RMND5B: variants seen among roughly 807,000 people sequenced by gnomAD.
RMND5B encodes required for meiotic nuclear division 5 homolog B, also known as E3 ubiquitin-protein transferase RMND5B.
RMND5B carries 42 observed loss-of-function variants against 50.4 expected under a neutral mutation model. The ratio of observed to expected loss-of-function variants is 0.83; its 90% CI spans 0.65 to 1.08. RMND5B has a LOEUF of 1.08. RMND5B is among the 50% of genes least tolerant of loss of function. RMND5B has a pLI of 0.00. For synonymous variants in RMND5B, 220 were observed against 210.0 expected, an observed-to-expected ratio of 1.05 and a Z score of -0.41; for missense variants, 463 against 508.5, an observed-to-expected ratio of 0.91 and a Z score of 0.86.
intron 8 of RMND5B, 35 bp downstream of exon 8, chr5:178,146,314 G>T (rs766712215): frequency 6.3e-7 from 1 of 1,590,086 alleles, no homozygotes; most frequent in South Asian, 1.1e-5. Context: ...GCACAGGTGG[G>T]AGGGTAGAGA....
rs78268698 is a variant in RMND5B, at chr5:178,140,171, C to A, written c.139+1913C>A. Reference sequence around the variant, plus strand: ...AAGATGTTGCTTTATTGCATTATTGCTGTTGTTCACTTTTATTTTGGAGAC... The same window carrying A: ...AAGATGTTGCTTTATTGCATTATTGATGTTGTTCACTTTTATTTTGGAGAC... On this transcript the variant is annotated intron_variant, in intron 3 of 10. Coordinates refer to ENST00000313386, the MANE Select transcript of RMND5B (RefSeq NM_022762.5). 6.8e-3 allele frequency among the ~76,000 whole-genome samples: 1,028 copies of A among 152,154 alleles called. 4 individuals are homozygous for A. The highest frequency in any genetic ancestry group is 0.035 in the South Asian group (168 of 4,816).
chr5:178,133,744 C>T (rs1468153211), intron 2 of RMND5B, among the ~76,000 whole-genome samples: 1 of 146,366 alleles, frequency 6.8e-6, no homozygotes, highest in East Asian at 2.0e-4. Flanking sequence ...CGGAGTCTCA[C>T]GCTGTCTCCC....
At position 178,150,109 on chromosome 5, in the gene RMND5B, A is replaced by C; in HGVS notation, c.*2077A>C. 1 of 352,004 alleles carries C rather than the reference A, an allele frequency of 2.8e-6. No homozygotes were observed. Among genetic ancestry groups the C allele is most frequent in the Non-Finnish European group, 5.3e-6 (1 of 188,952 alleles). 21.8% of individuals were successfully genotyped at this position (352,004 alleles called of 1,614,324 possible). ...GGCTGTCCCGGTCCCTGCCACCCCC[A>C]CTTCCTGTGCCTCAGATCTGGCCCC... On this transcript the variant is annotated 3_prime_UTR_variant, in exon 11 of 11. Coordinates refer to ENST00000313386, the MANE Select transcript of RMND5B (RefSeq NM_022762.5).
Position 178,148,436 on chromosome 5 carries a change from C to T in RMND5B, c.*404C>T, listed in dbSNP as rs1756163878. ...CCTTGCCCCTCGGCCCAAGAGTGTCCAGCGGTGGCCCACCTCTTCCTCCCA... is the reference window on the plus strand; with the variant it reads ...CCTTGCCCCTCGGCCCAAGAGTGTCTAGCGGTGGCCCACCTCTTCCTCCCA... On this transcript the variant is annotated 3_prime_UTR_variant, in exon 11 of 11. Transcript: ENST00000313386. 1 of 275,812 alleles carries T rather than the reference C, an allele frequency of 3.6e-6. No homozygotes were observed. Among genetic ancestry groups the T allele is most frequent in the Non-Finnish European group, 7.1e-6 (1 of 141,672 alleles). 17.1% of individuals were successfully genotyped at this position (275,812 alleles called of 1,614,324 possible).
In RMND5B at chr5:178,149,947, T is replaced by G; in HGVS notation, c.*1915T>G. On this transcript the variant is annotated 3_prime_UTR_variant, in exon 11 of 11. Coordinates refer to ENST00000313386, the MANE Select transcript of RMND5B (RefSeq NM_022762.5). ...TAATCTGGCCCACAACCATGTTCTG[T>G]TCGGTCCATGTTCTATTTAAAAGCA... 3 of 1,215,690 alleles carry G rather than the reference T, an allele frequency of 2.5e-6. No homozygotes were observed. Among genetic ancestry groups the G allele is most frequent in the Non-Finnish European group, 3.5e-6 (3 of 851,686 alleles). The allele number at this position is 1,215,690 out of a possible 1,614,324, so 75.3% of individuals were successfully genotyped here.
chr5:178,135,668 C>T (rs933974026), intron 2 of RMND5B, among the ~76,000 whole-genome samples: 2 of 152,198 alleles, frequency 1.3e-5, no homozygotes, highest in Admixed American at 1.3e-4. Flanking sequence ...TCTCCTTCCT[C>T]AGCTTTGTAA....
Position 178,148,298 on chromosome 5 carries a change from T to A in RMND5B, c.*266T>A. The A allele has an allele frequency of 1.9e-6, 1 of 535,278 alleles. No homozygotes were observed. The highest frequency in any genetic ancestry group is 3.4e-6 in the Non-Finnish European group (1 of 295,890). The allele number at this position is 535,278 out of a possible 1,614,324, so 33.2% of individuals were successfully genotyped here. On this transcript the variant is annotated 3_prime_UTR_variant, in exon 11 of 11. Coordinates refer to ENST00000313386, the MANE Select transcript of RMND5B (RefSeq NM_022762.5). ...CTGTCTTTTCCTGTTTCTGTTTGCG[T>A]TTGACTTAGTAGCAACCGACAGAGT...
intron 3 of RMND5B, among the ~76,000 whole-genome samples, chr5:178,140,025 A>T (rs1160112984): frequency 6.6e-6 from 1 of 152,062 alleles, no homozygotes; most frequent in African/African-American, 2.4e-5. Context: ...ATTAAGGCCA[A>T]TTATTTTGCA....
In RMND5B at chr5:178,142,598, C is replaced by T. The variant is rs1241873197; in HGVS notation, c.155C>T (p.Pro52Leu). Residue 52 changes from proline to leucine, a missense_variant, in exon 4 of 11, where the codon CCT (proline) becomes CTT (leucine). Transcript: ENST00000313386. ...ELASAALQGTPLSATLSLVMS... is the reference protein window; with the variant it reads ...ELASAALQGTLLSATLSLVMS... ...TTCTCTGCAGCCCTCCAGGGGACCCCTCTCTCAGCCACCCTCTCTCTGGTG... is the reference window on the plus strand; with the variant it reads ...TTCTCTGCAGCCCTCCAGGGGACCCTTCTCTCAGCCACCCTCTCTCTGGTG... 4 of 1,612,868 alleles carry T rather than the reference C, an allele frequency of 2.5e-6. No homozygotes were observed. The highest frequency in any genetic ancestry group is 2.7e-5 in the African/African-American group (2 of 75,052).
At chr5:178,144,368 C>G (rs1345895467) in intron 7 of RMND5B, among the ~76,000 whole-genome samples, 2 of 152,200 alleles carry the variant, frequency 1.3e-5, no homozygotes, top group East Asian at 3.9e-4. Context: ...CCACACCACA[C>G]TCATTTAGAG....
chr5:178,142,034 C>T (rs368135293), intron 3 of RMND5B: 3 of 156,632 alleles, frequency 1.9e-5, no homozygotes, highest in Admixed American at 6.1e-5. Context: ...TCATTCCTTT[C>T]TATGGCTGAA....
At position 178,149,970 on chromosome 5, in the gene RMND5B, G is replaced by T; in HGVS notation, c.*1938G>T. The T allele has an allele frequency of 1.0e-6, 1 of 1,002,088 alleles. No homozygotes were observed. Among genetic ancestry groups the T allele is most frequent in the Non-Finnish European group, 1.5e-6 (1 of 676,848 alleles). 62.1% of individuals were successfully genotyped at this position (1,002,088 alleles called of 1,614,324 possible). A position where few individuals can be genotyped will look rare whatever the true frequency, so the allele number is the denominator to read the frequency against. On this transcript the variant is annotated 3_prime_UTR_variant, in exon 11 of 11. Transcript: ENST00000313386. ...TGTTCGGTCCATGTTCTATTTAAAA[G>T]CATCTTGAATTGGTTGCCATCATTT...
At chr5:178,142,001 A>G (rs1467909381) in intron 3 of RMND5B, 2 of 154,692 alleles carry the variant, frequency 1.3e-5, no homozygotes, top group African/African-American at 2.4e-5. Flanking sequence ...AGGCTCATCT[A>G]TGCTGTAGCC....
In RMND5B at chr5:178,138,368, C is replaced by T. The variant is rs940782732; in HGVS notation, c.139+110C>T. ...AAGGACGATGATGAGGATGTTGGTA[C>T]CTGCATCTGTAGGCCTCCTTGAAAC... On this transcript the variant is annotated intron_variant, in intron 3 of 10. Transcript: ENST00000313386. This position sits in a 1 kb window ranked among gnomAD's most constrained non-coding sequence, Gnocchi z 5.1. The T allele has an allele frequency of 2.2e-5, 32 of 1,464,954 alleles. No individual in the cohort carries two copies. Among genetic ancestry groups the T allele is most frequent in the Non-Finnish European group, 2.8e-5 (31 of 1,105,384 alleles). 90.7% of individuals were successfully genotyped at this position (1,464,954 alleles called of 1,614,324 possible).
rs549574081 is a variant in RMND5B, at chr5:178,146,777, G to T, written c.860+498G>T. 3 of 157,988 alleles carry T rather than the reference G, an allele frequency of 1.9e-5. No homozygotes were observed. The East Asian group carries it at 5.5e-4, about 29-fold the overall frequency. 9.8% of individuals were successfully genotyped at this position (157,988 alleles called of 1,614,324 possible). A position where few individuals can be genotyped will look rare whatever the true frequency, so the allele number is the denominator to read the frequency against. On this transcript the variant is annotated intron_variant, in intron 8 of 10. Transcript: ENST00000313386. ...TACAGATGAGGAAATGGAGGCCCAA[G>T]ATGTGCACGCACTTGCCCAAGGCCT...
chr5:178,148,602 T>G lies in RMND5B; in HGVS notation c.*570T>G, dbSNP rs994318948. Reference sequence around the variant, plus strand: ...CCAACCTTTAGCCTCACTGACAAATTATGACCACATGTCTACCACACACAG... The same window carrying G: ...CCAACCTTTAGCCTCACTGACAAATGATGACCACATGTCTACCACACACAG... On this transcript the variant is annotated 3_prime_UTR_variant, in exon 11 of 11. Coordinates refer to ENST00000313386, the MANE Select transcript of RMND5B (RefSeq NM_022762.5). 1 of 156,310 alleles carries G rather than the reference T, an allele frequency of 6.4e-6. No individual in the cohort carries two copies. The highest frequency in any genetic ancestry group is 1.4e-5 in the Non-Finnish European group (1 of 70,810). The allele number at this position is 156,310 out of a possible 1,614,324, so 9.7% of individuals were successfully genotyped here.
intron 6 of RMND5B, 68 bp downstream of exon 6, chr5:178,143,795 G>C: frequency 2.0e-6 from 3 of 1,466,680 alleles, no homozygotes; most frequent in Non-Finnish European, 2.9e-6. Flanking sequence ...GCTTGACTGT[G>C]GTCTTCATTT....
chr5:178,145,203 C>A (rs920737112), intron 7 of RMND5B, among the ~76,000 whole-genome samples: 1 of 151,838 alleles, frequency 6.6e-6, no homozygotes, highest in Admixed American at 6.6e-5. Flanking sequence ...ATGCCTGACA[C>A]CGGCCGGGCA....
intron 8 of RMND5B, 90 bp downstream of exon 8, chr5:178,146,369 G>A: frequency 1.6e-6 from 2 of 1,281,500 alleles, no homozygotes; most frequent in Non-Finnish European, 2.2e-6. Flanking sequence ...CAGGAACAGT[G>A]CTCGGTGCTT....
Sources: allele counts gnomAD v4.1 joint callset (sites outside exome capture counted in the v4.1 genomes callset), GRCh38; gene constraint gnomAD v4.1.1; non-coding constraint Gnocchi (gnomAD v3.1); transcripts MANE v1.5; gene names NCBI Gene and HGNC (gene_info 2026-07-23, HGNC 2026-07-21).